The following C19orf47 variants were observed in gnomAD, a reference collection of about 807,000 sequenced individuals.
The protein encoded by C19orf47 is chromosome 19 open reading frame 47, also known as uncharacterized protein C19orf47.
In C19orf47, 18 loss-of-function variants were observed where a neutral mutation model predicts 32.3. The observed-to-expected ratio is 0.56, with a 90% CI of 0.39 to 0.83. The LOEUF (loss-of-function observed/expected upper bound fraction) is 0.83, where lower values mean the gene tolerates loss of function less well. Ranked by LOEUF, C19orf47 falls within the 40% of genes least tolerant of loss-of-function variation. The probability of loss-of-function intolerance (pLI) is 0.00; values close to 1 mark genes in which losing one functional copy is unlikely to be tolerated. For synonymous variants in C19orf47, 202 were observed against 211.1 expected (o/e 0.96, Z 0.37); for missense variants, 484 against 531.6 (o/e 0.91, Z 0.88).
intron 6 of C19orf47, among the ~76,000 whole-genome samples, chr19:40,327,187 T>C (rs1443068778): frequency 1.3e-5 from 2 of 151,116 alleles, no homozygotes; most frequent in Non-Finnish European, 2.9e-5. Context: ...CTAATTTTTG[T>C]ATTTTTGGTA....
rs556483719 is a variant in C19orf47, at chr19:40,328,346, C to T, written c.439+67G>A. ...CACCTTACAATATTGGAAGCATGAC[C>T]CCCAACACCTCCTACCAACCCACGT... is the stretch of plus-strand genomic sequence containing the variant. On this transcript the variant is annotated intron_variant, in intron 6 of 8. Transcript: ENST00000683109. 7.1e-5 allele frequency: 113 copies of T among 1,589,106 alleles called. No individual in the cohort carries two copies. The South Asian group carries it at 1.2e-3, about 17-fold the overall frequency.
the C19orf47 span, among the ~76,000 whole-genome samples, chr19:40,293,520 C>A: frequency 6.6e-6 from 1 of 151,708 alleles, no homozygotes; most frequent in African/African-American, 2.4e-5. Flanking sequence ...GGCTGGAGTG[C>A]AATGATGCGA....
intron 2 of C19orf47, among the ~76,000 whole-genome samples, chr19:40,338,386 T>C (rs763586253): frequency 2.7e-5 from 4 of 149,814 alleles, no homozygotes; most frequent in African/African-American, 7.4e-5. Context: ...TATATACACA[T>C]ATATATATAT....
the C19orf47 span, among the ~76,000 whole-genome samples, chr19:40,307,032 G>A: frequency 8.1e-5 from 12 of 148,646 alleles, no homozygotes; most frequent in South Asian, 6.4e-4. Flanking sequence ...CTCGTGATCC[G>A]CCCGCCTGGG....
At position 40,322,175 on chromosome 19, in the gene C19orf47, C is replaced by A. The variant is rs55698140; in HGVS notation, c.865G>T (p.Ala289Ser). 1,258 of 1,612,342 alleles carry A rather than the reference C, an allele frequency of 7.8e-4. 15 individuals carry two copies. The African/African-American group carries it at 0.015, about 20-fold the overall frequency. ...KATSSATTAA[A>S]PTLRRLALSS... is the part of the protein sequence containing the mutation. ...AGCGCCAGGCGCCGCAGTGTCGGGG[C>A]AGCAGCCGTTGTCGCTGAGCTTGTG... The change falls in exon 9 of 9, where the codon GCC (alanine) becomes TCC (serine). Residue 289 changes from alanine (A) to serine (S), a missense_variant. Around this residue, in one of 3 missense-constraint regions of C19orf47, gnomAD observed 376 missense variants for 370.2 expected, o/e 1.02. Coordinates refer to ENST00000683109, the MANE Select transcript of C19orf47 (RefSeq NM_001256441.2).
chr19:40,348,277 CCCTACCGCAACCGG>C (rs1392612607), intron 1 of C19orf47, 33 bp downstream of exon 1: 1 of 1,266,696 alleles, frequency 7.9e-7, no homozygotes, highest in Admixed American at 4.3e-5. Flanking sequence ...CGCCACCCGT[CCCTACCGCAACCGG>C]CCCAGTCCCA....
chr19:40,311,247 C>T, the C19orf47 span, among the ~76,000 whole-genome samples: 9 of 152,016 alleles, frequency 5.9e-5, no homozygotes, highest in African/African-American at 1.2e-4. Context: ...GGCATGGTGG[C>T]GCATGCCTGT....
the C19orf47 span, among the ~76,000 whole-genome samples, chr19:40,297,335 G>T: frequency 6.6e-6 from 1 of 152,134 alleles, no homozygotes; most frequent in Non-Finnish European, 1.5e-5. Flanking sequence ...GGAGGCCAAG[G>T]TGGGCAGATT....
chr19:40,333,732 T>A lies in C19orf47; in HGVS notation c.301+119A>T, dbSNP rs1219043289. On this transcript the variant is annotated intron_variant, in intron 5 of 8. Coordinates refer to ENST00000683109, the MANE Select transcript of C19orf47 (RefSeq NM_001256441.2). ...CCCCTAAAAGAAGAGTAAGAATTCCTCCAATGGCTTTGTTTCTACCTTTGA... is the reference window on the plus strand; with the variant it reads ...CCCCTAAAAGAAGAGTAAGAATTCCACCAATGGCTTTGTTTCTACCTTTGA... The A allele has an allele frequency of 5.4e-6, 4 of 747,406 alleles. No homozygotes were observed. In the Admixed American group the frequency reaches 1.1e-4, roughly 20 times the overall value. 46.3% of individuals were successfully genotyped at this position (747,406 alleles called of 1,614,324 possible).
downstream of C19orf47, among the ~76,000 whole-genome samples, chr19:40,317,096 A>G (rs558439799): frequency 2.0e-5 from 3 of 152,166 alleles, 1 homozygote; most frequent in South Asian, 6.2e-4. Context: ...TGCATTTTGA[A>G]CCATGTGAAT....
chr19:40,313,907 G>A, the C19orf47 span, among the ~76,000 whole-genome samples: 1 of 151,638 alleles, frequency 6.6e-6, no homozygotes, highest in African/African-American at 2.4e-5. Flanking sequence ...CTCTGGCCTG[G>A]GCAACAGAGG....
the C19orf47 span, among the ~76,000 whole-genome samples, chr19:40,308,966 G>A: frequency 6.6e-6 from 1 of 152,132 alleles, no homozygotes. Flanking sequence ...GGAGGTTGAA[G>A]CAAGAGGATT....
At position 40,326,444 on chromosome 19, in the gene C19orf47, G is replaced by A. The variant is rs377386736; in HGVS notation, c.482C>T (p.Ala161Val). 5.6e-6 allele frequency: 9 copies of A among 1,613,966 alleles called. No homozygotes were observed. Among genetic ancestry groups the A allele is most frequent in the Non-Finnish European group, 8.5e-7 (1 of 1,180,048 alleles). ...CTCAGCAGTGACCCGGCGCCGCTTG[G>A]CAGGAACAGCCAGGCTCTCCTCCTC... ...RREEESLAVPAKRRRVTAEME... is the reference protein window; with the variant it reads ...RREEESLAVPVKRRRVTAEME... Residue 161 changes from alanine (A) to valine (V), a missense_variant, in exon 7 of 9, where the codon GCC becomes GTC. Physicochemically the swap from Ala to Val is moderately conservative, Grantham distance 64. Around this residue, in one of 3 missense-constraint regions of C19orf47, gnomAD observed 376 missense variants for 370.2 expected, o/e 1.02. Coordinates refer to ENST00000683109, the MANE Select transcript of C19orf47 (RefSeq NM_001256441.2).
chr19:40,298,409 A>G, the C19orf47 span, among the ~76,000 whole-genome samples: 1 of 152,194 alleles, frequency 6.6e-6, no homozygotes, highest in Non-Finnish European at 1.5e-5. Context: ...ATATTAATTA[A>G]ATATCCAGGT....
chr19:40,341,708 G>A (rs996630529), intron 2 of C19orf47, 131 bp downstream of exon 2: 6 of 1,328,706 alleles, frequency 4.5e-6, no homozygotes, highest in African/African-American at 4.4e-5. Context: ...ACCCTGCCAC[G>A]GTCCTCAGAG....
intron 5 of C19orf47, among the ~76,000 whole-genome samples, chr19:40,332,336 C>T (rs1468853936): frequency 6.7e-6 from 1 of 149,122 alleles, no homozygotes; most frequent in Non-Finnish European, 1.5e-5. Flanking sequence ...ACGTAGGCAA[C>T]ACAGCGAGAC....
intron 8 of C19orf47, among the ~76,000 whole-genome samples, chr19:40,323,114 G>T (rs2077755646): frequency 6.6e-6 from 1 of 152,200 alleles, no homozygotes; most frequent in Admixed American, 6.5e-5. Flanking sequence ...TCTTCATAGG[G>T]CTGGAACTTC....
the C19orf47 span, among the ~76,000 whole-genome samples, chr19:40,306,455 C>T: frequency 1.1e-4 from 16 of 151,242 alleles, no homozygotes; most frequent in South Asian, 2.1e-4. Context: ...CAGGCTGGAG[C>T]GCAGTGGCGA....
At chr19:40,323,889 A>C in intron 8 of C19orf47, 117 bp downstream of exon 8, 1 of 1,251,308 alleles carries the variant, frequency 8.0e-7, no homozygotes, top group South Asian at 1.2e-5. Context: ...TGAGGCTGGA[A>C]AGGCAGGTTA....
Sources: gnomAD v4.1 joint callset for allele counts (sites outside exome capture counted in the v4.1 genomes callset) on GRCh38, gnomAD v4.1.1 for gene constraint, gnomAD v4.1.1 regional missense constraint, MANE v1.5 for transcripts, NCBI Gene and HGNC (gene_info 2026-07-23, HGNC 2026-07-21) for gene names.